MYCBP2: variants seen among roughly 807,000 people sequenced by gnomAD.
MYCBP2 encodes MYC binding protein 2.
MYCBP2 carries 120 observed loss-of-function variants against 525.3 expected under a neutral mutation model. The observed-to-expected ratio is 0.23, with a 90% CI of 0.20 to 0.27. MYCBP2 has a LOEUF of 0.27. Among genes scored for constraint, MYCBP2 ranks in the 10% least tolerant of loss-of-function variants. The pLI is 1.00. For missense variants in MYCBP2, 4,149 were observed against 5,657.1 expected, an observed-to-expected ratio of 0.73 and a Z score of 8.55; for synonymous variants, 1,894 against 1,955.8, an observed-to-expected ratio of 0.97 and a Z score of 0.83.
At chr13:77,134,255 G>A (rs79022785) in intron 52 of MYCBP2, among the ~76,000 whole-genome samples, 1 of 152,044 alleles carries the variant, frequency 6.6e-6, no homozygotes, top group Non-Finnish European at 1.5e-5. Context: ...AGTGGCTCAC[G>A]TCTTTAATCC....
chr13:77,155,956 A>G, intron 46 of MYCBP2, 102 bp downstream of exon 46: 1 of 1,075,126 alleles, frequency 9.3e-7, no homozygotes, highest in Non-Finnish European at 1.3e-6. Flanking sequence ...TTATATAAAG[A>G]GGGTAGAACA....
chr13:77,127,418 T>C (rs1011477325), intron 52 of MYCBP2, among the ~76,000 whole-genome samples: 1 of 151,956 alleles, frequency 6.6e-6, no homozygotes, highest in Admixed American at 6.6e-5. Context: ...ATATTTTCTC[T>C]TTTTCCCAAC....
chr13:77,309,685 T>G (rs956289066), intron 1 of MYCBP2, among the ~76,000 whole-genome samples: 1 of 152,228 alleles, frequency 6.6e-6, no homozygotes, highest in Non-Finnish European at 1.5e-5. Context: ...TATTTTCACT[T>G]GTCAGAGTTA....
chr13:77,067,062 C>A (rs1301753808), intron 71 of MYCBP2, among the ~76,000 whole-genome samples: 1 of 152,092 alleles, frequency 6.6e-6, no homozygotes, highest in East Asian at 1.9e-4. Context: ...TATCACCTAT[C>A]AAGTAATTTT....
chr13:77,134,488 C>T (rs1013798281), intron 52 of MYCBP2, among the ~76,000 whole-genome samples: 4 of 151,714 alleles, frequency 2.6e-5, no homozygotes, highest in South Asian at 2.1e-4. Context: ...GAGCCAAGAT[C>T]GTGCCACTGA....
chr13:77,319,651 C>T (rs1189243887), intron 1 of MYCBP2, among the ~76,000 whole-genome samples: 1 of 152,158 alleles, frequency 6.6e-6, no homozygotes, highest in Non-Finnish European at 1.5e-5. Flanking sequence ...TTTCTCTGAA[C>T]TTCTCAAAAG....
chr13:77,198,436 A>G (rs2062004038), intron 26 of MYCBP2, among the ~76,000 whole-genome samples: 1 of 152,232 alleles, frequency 6.6e-6, no homozygotes, highest in Non-Finnish European at 1.5e-5. Flanking sequence ...ACATATTGAT[A>G]TCATTTTTAG....
chr13:77,251,175 C>T lies in MYCBP2; in HGVS notation c.2357G>A (p.Gly786Glu). 6.2e-7 allele frequency: 1 copy of T among 1,614,106 alleles called. No individual in the cohort carries two copies. The highest frequency in any genetic ancestry group is 8.5e-7 in the Non-Finnish European group (1 of 1,180,028). ...TGYGASCVSS[G>E]RPDRVPGGIC... ...CCCTCCGGGGACTCTGTCTGGCCGT[C>T]CACTACTGACACAGCTGGCTCCATA... Residue 786 changes from glycine (G) to glutamate (E), a missense_variant, in exon 15 of 83, where the codon GGA (glycine) becomes GAA (glutamate). Gly to Glu is a moderately conservative substitution (Grantham distance 98, BLOSUM62 -2). Coordinates refer to ENST00000544440, the MANE Select transcript of MYCBP2 (RefSeq NM_015057.5).
chr13:77,064,468 C>T (rs1186057095), intron 73 of MYCBP2, 147 bp downstream of exon 73: 22 of 897,932 alleles, frequency 2.5e-5, no homozygotes, highest in Non-Finnish European at 3.4e-5. Flanking sequence ...TATAAAAGCC[C>T]TTTATACTTT....
chr13:77,236,872 A>AAAAT (rs879878885), intron 17 of MYCBP2, among the ~76,000 whole-genome samples: 370 of 152,094 alleles, frequency 2.4e-3, no homozygotes, highest in African/African-American at 4.9e-3. Context: ...GCCTCTACAA[A>AAAAT]AAATAAATAA....
At chr13:77,215,479 G>GAATCT (rs2064693135) in intron 21 of MYCBP2, among the ~76,000 whole-genome samples, 1 of 152,192 alleles carries the variant, frequency 6.6e-6, no homozygotes, top group South Asian at 2.1e-4. Flanking sequence ...TATTGATATT[G>GAATCT]TTGAGAGGAA....
chr13:77,118,534 T>C, intron 55 of MYCBP2: 1 of 762,130 alleles, frequency 1.3e-6, no homozygotes, highest in South Asian at 1.4e-5. Context: ...AACTCGTTAT[T>C]CATTAACATC....
At chr13:77,263,023 T>C (rs925878231) in intron 10 of MYCBP2, among the ~76,000 whole-genome samples, 10 of 151,986 alleles carry the variant, frequency 6.6e-5, no homozygotes, top group Non-Finnish European at 2.9e-5. Flanking sequence ...TGGAGTGGCA[T>C]GGCAAGCCAA....
intron 15 of MYCBP2, among the ~76,000 whole-genome samples, chr13:77,248,851 G>A (rs1234943754): frequency 6.6e-6 from 1 of 152,172 alleles, no homozygotes; most frequent in Non-Finnish European, 1.5e-5. Context: ...GTTACAATGT[G>A]GAAGCAACCA....
intron 26 of MYCBP2, among the ~76,000 whole-genome samples, chr13:77,199,187 C>T (rs192663578): frequency 1.3e-5 from 2 of 152,216 alleles, no homozygotes; most frequent in Admixed American, 6.5e-5. Flanking sequence ...GGTGTGCGCA[C>T]CATGCGCGAG....
At chr13:77,227,683 G>A (rs560533030) in intron 18 of MYCBP2, among the ~76,000 whole-genome samples, 238 of 152,204 alleles carry the variant, frequency 1.6e-3, no homozygotes, top group African/African-American at 5.4e-3. Flanking sequence ...AACATTTCAA[G>A]TATCATTCCA....
At chr13:77,061,070 C>G in intron 76 of MYCBP2, 99 bp downstream of exon 76, 2 of 1,260,304 alleles carry the variant, frequency 1.6e-6, no homozygotes, top group Non-Finnish European at 1.1e-6. Flanking sequence ...AATTAAACAT[C>G]AGAATATCAC....
At chr13:77,200,293 C>T (rs1010446604) in intron 26 of MYCBP2, among the ~76,000 whole-genome samples, 13 of 151,848 alleles carry the variant, frequency 8.6e-5, no homozygotes, top group Admixed American at 2.0e-4. Context: ...AGGGTATCAG[C>T]GATGGAAGAT....
At chr13:77,309,204 G>C (rs965480289) in intron 1 of MYCBP2, among the ~76,000 whole-genome samples, 4 of 152,114 alleles carry the variant, frequency 2.6e-5, no homozygotes, top group African/African-American at 9.7e-5. Context: ...CCTGCCTCCT[G>C]AAAAAAGGAG....
Sources: allele counts gnomAD v4.1 joint callset (sites outside exome capture counted in the v4.1 genomes callset), GRCh38; gene constraint gnomAD v4.1.1; transcripts MANE v1.5; gene names NCBI Gene and HGNC (gene_info 2026-07-23, HGNC 2026-07-21).